Variants in TENM3 observed in about 807,000 individuals in gnomAD.
The protein encoded by TENM3 is teneurin transmembrane protein 3, also known as teneurin-3.
In TENM3, 63 loss-of-function variants were observed where a neutral mutation model predicts 255.1. The observed-to-expected ratio is 0.25, with a 90% CI of 0.20 to 0.30. TENM3 has a LOEUF of 0.30. TENM3 is among the 10% of genes least tolerant of loss of function. The pLI, the probability that TENM3 is intolerant of heterozygous loss-of-function variation, is 1.00. For synonymous variants in TENM3, 1,306 were observed against 1,322.3 expected (o/e 0.99, Z 0.27); for missense variants, 2,929 against 3,461.1 (o/e 0.85, Z 3.86).
At chr4:181,852,915 C>A in the TENM3 span, among the ~76,000 whole-genome samples, 1 of 152,138 alleles carries the variant, frequency 6.6e-6, no homozygotes, top group Non-Finnish European at 1.5e-5. Context: ...CTTACACTTA[C>A]AAATGGTTAA....
At chr4:181,598,907 T>A in the TENM3 span, among the ~76,000 whole-genome samples, 4 of 152,198 alleles carry the variant, frequency 2.6e-5, no homozygotes, top group African/African-American at 9.6e-5. Context: ...AGTAATATTA[T>A]AGCTCTGGTG....
the TENM3 span, among the ~76,000 whole-genome samples, chr4:181,758,309 G>A: frequency 2.0e-5 from 3 of 152,178 alleles, no homozygotes; most frequent in African/African-American, 7.2e-5. Flanking sequence ...TCAGGGGAAG[G>A]GAGAAGGAGG....
chr4:182,678,508 A>G (rs1243126698), intron 7 of TENM3, among the ~76,000 whole-genome samples: 1 of 152,192 alleles, frequency 6.6e-6, no homozygotes, highest in Non-Finnish European at 1.5e-5. Context: ...ATGGTGCTTG[A>G]GATGGTCACA....
intron 13 of TENM3, among the ~76,000 whole-genome samples, chr4:182,717,189 C>G (rs550523780): frequency 6.6e-6 from 1 of 152,270 alleles, no homozygotes; most frequent in East Asian, 1.9e-4. Flanking sequence ...TGCCCCATCA[C>G]CACTGTTCAA....
At chr4:181,637,616 T>C in the TENM3 span, among the ~76,000 whole-genome samples, 45 of 152,282 alleles carry the variant, frequency 3.0e-4, no homozygotes, top group Admixed American at 2.0e-3. Context: ...GGCTCCACCC[T>C]CCTGACCTAA....
chr4:181,601,733 G>A, the TENM3 span, among the ~76,000 whole-genome samples: 2 of 152,050 alleles, frequency 1.3e-5, no homozygotes, highest in African/African-American at 4.8e-5. Context: ...CGTTAGACTG[G>A]AGCTCACCTT....
chr4:181,987,372 G>A, the TENM3 span, among the ~76,000 whole-genome samples: 1 of 152,084 alleles, frequency 6.6e-6, no homozygotes, highest in Non-Finnish European at 1.5e-5. Context: ...ATAAAAGGCT[G>A]TTTCCCCTCT....
At position 182,161,912 on chromosome 4, in the gene TENM3, C is replaced by T. The variant is rs56094876; in HGVS notation, c.-76+17158C>T. ...ACATATATGTGTATATATACACACA[C>T]ATGTATGTGTATATATATACACATA... On this transcript the variant is annotated intron_variant, in intron 1 of 2. Coordinates refer to the TENM3 transcript ENST00000512480. 8.7e-3 allele frequency among the ~76,000 whole-genome samples: 56 copies of T among 6,414 alleles called. 5 individuals are homozygous for T. Among genetic ancestry groups the T allele is most frequent in the Non-Finnish European group, 0.016 (37 of 2,302 alleles). 4.2% of individuals were successfully genotyped at this position (6,414 alleles called of 152,430 possible).
intron 3 of TENM3, among the ~76,000 whole-genome samples, chr4:182,362,046 G>A (rs188989820): frequency 3.9e-5 from 6 of 152,270 alleles, no homozygotes; most frequent in East Asian, 1.9e-4. Flanking sequence ...TTCGTGAACC[G>A]CGAAAGCTGC....
chr4:182,430,894 C>T (rs13152607), intron 3 of TENM3, among the ~76,000 whole-genome samples: 11,388 of 151,968 alleles, frequency 0.075, 596 homozygotes, highest in Non-Finnish European at 0.11. Flanking sequence ...CACCTGTAAT[C>T]CCAGCTACTC....
chr4:182,447,004 C>T (rs146767399), intron 3 of TENM3, among the ~76,000 whole-genome samples: 2 of 152,042 alleles, frequency 1.3e-5, no homozygotes, highest in Admixed American at 6.6e-5. Context: ...TGCCCAACAA[C>T]ATACCTATTG....
At chr4:182,701,210 CTTT>C (rs35538818) in intron 12 of TENM3, among the ~76,000 whole-genome samples, 10 of 38,666 alleles carry the variant, frequency 2.6e-4, no homozygotes, top group East Asian at 6.5e-4. Flanking sequence ...CAACTCTTGA[CTTT>C]TTTTTTTTTT....
chr4:182,370,378 T>C (rs1295068297), intron 3 of TENM3, among the ~76,000 whole-genome samples: 1 of 152,192 alleles, frequency 6.6e-6, no homozygotes, highest in Non-Finnish European at 1.5e-5. Flanking sequence ...ATTCTTTTAT[T>C]TTGTTTTGAC....
At chr4:182,142,547 G>C (rs1213133171), upstream of TENM3, 1 of 167,232 alleles carries the variant, frequency 6.0e-6, no homozygotes, top group Non-Finnish European at 1.5e-5. Flanking sequence ...AAAAATGCAA[G>C]TGGATTTCCT....
At chr4:181,565,321 C>A in the TENM3 span, among the ~76,000 whole-genome samples, 1 of 152,222 alleles carries the variant, frequency 6.6e-6, no homozygotes, top group Non-Finnish European at 1.5e-5. Context: ...CATTAATGAT[C>A]AAAGTTACAT....
chr4:181,890,071 T>C, the TENM3 span, among the ~76,000 whole-genome samples: 2 of 152,188 alleles, frequency 1.3e-5, no homozygotes, highest in East Asian at 3.9e-4. Context: ...CCTTTATTTG[T>C]TTAAATTAGA....
the TENM3 span, among the ~76,000 whole-genome samples, chr4:181,453,749 C>T: frequency 6.6e-6 from 1 of 152,108 alleles, no homozygotes; most frequent in Non-Finnish European, 1.5e-5. Flanking sequence ...GTCTTCACTC[C>T]AACCAATAAC....
At chr4:181,676,989 C>CTTTTTTTT in the TENM3 span, among the ~76,000 whole-genome samples, 1 of 137,696 alleles carries the variant, frequency 7.3e-6, no homozygotes. Flanking sequence ...CCGATTTTAT[C>CTTTTTTTT]TTTTTTTTTT....
the TENM3 span, among the ~76,000 whole-genome samples, chr4:182,007,199 T>G: frequency 2.8e-4 from 43 of 152,312 alleles, no homozygotes; most frequent in African/African-American, 9.6e-4. Context: ...AGAATGTATA[T>G]TCTGTTGATT....
Sources: gnomAD v4.1 joint callset for allele counts (sites outside exome capture counted in the v4.1 genomes callset) on GRCh38, gnomAD v4.1.1 for gene constraint, MANE v1.5 for transcripts, NCBI Gene and HGNC (gene_info 2026-07-23, HGNC 2026-07-21) for gene names.